Variants in ZNF610 observed in about 807,000 individuals in gnomAD.
The protein encoded by ZNF610 is zinc finger protein 610.
In ZNF610, 14 loss-of-function variants were observed where a neutral mutation model predicts 14.1. The observed-to-expected ratio is 0.99, with a 90% CI of 0.65 to 1.55. ZNF610 has a LOEUF of 1.55. ZNF610 is among the 40% of genes most tolerant of loss of function. ZNF610 has a pLI of 0.00. For synonymous variants in ZNF610, 185 were observed against 187.6 expected, an observed-to-expected ratio of 0.99 and a Z score of 0.11; for missense variants, 530 against 558.0, an observed-to-expected ratio of 0.95 and a Z score of 0.51.
upstream of ZNF610, among the ~76,000 whole-genome samples, chr19:52,331,755 C>A (rs942360078): frequency 3.3e-5 from 5 of 152,200 alleles, no homozygotes; most frequent in Non-Finnish European, 7.3e-5. Flanking sequence ...CTGACAATCA[C>A]CCTGCCTTTC....
chr19:52,354,959 G>A (rs906661296), intron 5 of ZNF610, among the ~76,000 whole-genome samples: 1 of 152,108 alleles, frequency 6.6e-6, no homozygotes, highest in African/African-American at 2.4e-5. Context: ...TAAATCCTAG[G>A]CATTCTGAAT....
Position 52,366,537 on chromosome 19 carries a change from CTTATGG to C in ZNF610, c.1160_1165del (p.Leu387_Ala389delinsPro), listed in dbSNP as rs902446602. On this transcript the variant is annotated inframe_deletion, in exon 6 of 6. Transcript: ENST00000403906. ...AAGAGCATTTCACAAGCGTCCGGGC[CTTATGG>C]CCCATCTTCTAATCCATACTGGAGA... 1 of 1,614,206 alleles carries C rather than the reference CTTATGG, an allele frequency of 6.2e-7. No individual in the cohort carries two copies. The highest frequency in any genetic ancestry group is 1.7e-5 in the Admixed American group (1 of 60,020).
upstream of ZNF610, among the ~76,000 whole-genome samples, chr19:52,333,019 C>T (rs1336948921): frequency 6.6e-6 from 1 of 152,132 alleles, no homozygotes; most frequent in South Asian, 2.1e-4. Flanking sequence ...GCCTTATCAC[C>T]TCCTCTTCCC....
chr19:52,354,493 G>A, intron 5 of ZNF610, 114 bp downstream of exon 5: 1 of 1,201,824 alleles, frequency 8.3e-7, no homozygotes, highest in Non-Finnish European at 1.1e-6. Context: ...GCTCACTGCA[G>A]CCTCAAACTC....
Position 52,349,122 on chromosome 19 carries a change from C to T in ZNF610, c.-19-32C>T, listed in dbSNP as rs373505992. 241 of 1,530,026 alleles carry T rather than the reference C, an allele frequency of 1.6e-4. 1 individual carries two copies. Among genetic ancestry groups the T allele is most frequent in the Non-Finnish European group, 1.9e-4 (212 of 1,107,002 alleles). The allele number at this position is 1,530,026 out of a possible 1,614,324, so 94.8% of individuals were successfully genotyped here. The stretch of plus-strand genomic sequence containing the variant: ...CATAGGGAGGGGAATGTGTTGATTC[C>T]GAGCAGTAATCAGTGTATTTTTGAC... On this transcript the variant is annotated intron_variant, in intron 2 of 5. Coordinates refer to ENST00000403906, the MANE Select transcript of ZNF610 (RefSeq NM_001161425.2).
intron 5 of ZNF610, among the ~76,000 whole-genome samples, chr19:52,360,155 C>T (rs770032278): frequency 1.3e-5 from 2 of 152,146 alleles, no homozygotes; most frequent in Non-Finnish European, 2.9e-5. Context: ...AGACATAAAG[C>T]AGGACCCTCT....
chr19:52,356,925 C>T lies in ZNF610; in HGVS notation c.319+2546C>T, dbSNP rs149722905. Among the ~76,000 whole-genome samples the T allele has an allele frequency of 3.6e-4, 55 of 152,332 alleles. No homozygotes were observed. In the East Asian group the frequency reaches 6.8e-3, roughly 19 times the overall value. Reference sequence around the variant, plus strand: ...CTTATGTCACCAAATGTGAGTTTTACTTCCACCAATAAGCAATCAGTTCTG... The same window carrying T: ...CTTATGTCACCAAATGTGAGTTTTATTTCCACCAATAAGCAATCAGTTCTG... On this transcript the variant is annotated intron_variant, in intron 5 of 5. Coordinates refer to ENST00000403906, the MANE Select transcript of ZNF610 (RefSeq NM_001161425.2).
At position 52,366,549 on chromosome 19, in the gene ZNF610, C is replaced by T; in HGVS notation, c.1171C>T (p.Leu391Phe). Reference protein sequence around the residue: ...FHKRPGLMAHLLIHTGEKPYK... With the variant: ...FHKRPGLMAHFLIHTGEKPYK... Reference sequence around the variant, plus strand: ...CAAGCGTCCGGGCCTTATGGCCCATCTTCTAATCCATACTGGAGAGAAACC... The same window carrying T: ...CAAGCGTCCGGGCCTTATGGCCCATTTTCTAATCCATACTGGAGAGAAACC... The change falls in exon 6 of 6, where the codon CTT becomes TTT. Residue 391 changes from leucine to phenylalanine, a missense_variant. Physicochemically the swap from Leu to Phe is conservative, Grantham distance 22. Coordinates refer to ENST00000403906, the MANE Select transcript of ZNF610 (RefSeq NM_001161425.2). 7 of 1,614,210 alleles carry T rather than the reference C, an allele frequency of 4.3e-6. No individual in the cohort carries two copies. Among genetic ancestry groups the T allele is most frequent in the Non-Finnish European group, 5.9e-6 (7 of 1,180,030 alleles).
chr19:52,363,281 C>T (rs1358669010), intron 5 of ZNF610, among the ~76,000 whole-genome samples: 1 of 152,058 alleles, frequency 6.6e-6, no homozygotes, highest in African/African-American at 2.4e-5. Flanking sequence ...TAGAATGCAC[C>T]ACTGCATCCA....
chr19:52,364,346 G>A (rs1014311221), intron 5 of ZNF610, among the ~76,000 whole-genome samples: 1 of 151,636 alleles, frequency 6.6e-6, no homozygotes, highest in African/African-American at 2.4e-5. Flanking sequence ...TTCCATATTT[G>A]ATCATTTATT....
At chr19:52,365,034 T>C (rs1985950708) in intron 5 of ZNF610, among the ~76,000 whole-genome samples, 1 of 152,052 alleles carries the variant, frequency 6.6e-6, no homozygotes, top group African/African-American at 2.4e-5. Flanking sequence ...TTGCCTGAGG[T>C]TGGGAGTTTG....
chr19:52,349,381 A>G, intron 3 of ZNF610, 146 bp downstream of exon 3: 1 of 1,356,056 alleles, frequency 7.4e-7, no homozygotes, highest in Non-Finnish European at 1.0e-6. Context: ...TGACCCAGTG[A>G]CATGAATGTG....
chr19:52,356,497 A>C (rs1031211160), intron 5 of ZNF610, among the ~76,000 whole-genome samples: 3 of 151,978 alleles, frequency 2.0e-5, no homozygotes, highest in African/African-American at 7.3e-5. Context: ...CTTTGTGTTT[A>C]TTATTTTGTA....
chr19:52,352,616 G>A (rs1001371296), intron 3 of ZNF610, among the ~76,000 whole-genome samples: 2 of 152,030 alleles, frequency 1.3e-5, no homozygotes, highest in Non-Finnish European at 2.9e-5. Context: ...CCTGTCATTC[G>A]TTAGTTCTAA....
At chr19:52,339,728 C>G (rs916628043) in intron 1 of ZNF610, among the ~76,000 whole-genome samples, 1 of 152,136 alleles carries the variant, frequency 6.6e-6, no homozygotes, top group African/African-American at 2.4e-5. Flanking sequence ...TTTCTTATCC[C>G]CACACACCAC....
upstream of ZNF610, among the ~76,000 whole-genome samples, chr19:52,332,934 G>A (rs1208661868): frequency 6.6e-6 from 1 of 152,166 alleles, no homozygotes; most frequent in Admixed American, 6.5e-5. This position sits in a 1 kb window ranked among gnomAD's most constrained non-coding sequence, Gnocchi z 4.1. Flanking sequence ...AATGTTACGG[G>A]CTTTAATTAG....
chr19:52,362,924 T>G (rs1273001379), intron 5 of ZNF610, among the ~76,000 whole-genome samples: 2 of 152,164 alleles, frequency 1.3e-5, no homozygotes, highest in Non-Finnish European at 2.9e-5. Context: ...CTAATGAGGC[T>G]ATAGTGATGT....
chr19:52,362,312 G>A (rs1600240413), intron 5 of ZNF610, among the ~76,000 whole-genome samples: 1 of 152,272 alleles, frequency 6.6e-6, no homozygotes, highest in African/African-American at 2.4e-5. Context: ...TGGGGCGGCT[G>A]AGGCAGGAGA....
At position 52,365,947 on chromosome 19, in the gene ZNF610, C is replaced by T. The variant is rs1445535599; in HGVS notation, c.569C>T (p.Pro190Leu). Residue 190 changes from proline (P) to leucine (L), a missense_variant, in exon 6 of 6, where the codon CCA becomes CTA. By Grantham distance (98) the Pro-to-Leu change is moderately conservative. Transcript: ENST00000403906. ...GATCTTATTGATTTCCCATTACTCC[C>T]ACAAGAAGAGAAAGCATACATTAGA... is the stretch of plus-strand genomic sequence containing the variant. Reference protein sequence around the residue: ...RNDLIDFPLLPQEEKAYIRGK... With the variant: ...RNDLIDFPLLLQEEKAYIRGK... 2.5e-6 allele frequency: 4 copies of T among 1,613,558 alleles called. No homozygotes were observed. Among genetic ancestry groups the T allele is most frequent in the East Asian group, 4.5e-5 (2 of 44,884 alleles).
Sources: gnomAD v4.1 joint callset for allele counts (sites outside exome capture counted in the v4.1 genomes callset) on GRCh38, gnomAD v4.1.1 for gene constraint, Gnocchi (gnomAD v3.1) non-coding constraint, MANE v1.5 for transcripts, NCBI Gene and HGNC (gene_info 2026-07-23, HGNC 2026-07-21) for gene names.